Variants in ELAVL2 observed in about 807,000 individuals in gnomAD.
ELAVL2 encodes the protein ELAV-like protein 2.
Under a neutral mutation model 34.6 loss-of-function variants are expected in ELAVL2, and 4 were observed. The ratio of observed to expected loss-of-function variants is 0.12; its 90% CI spans 0.06 to 0.26. ELAVL2 has a LOEUF of 0.26. ELAVL2 is among the 10% of genes least tolerant of loss of function. The pLI, the probability that ELAVL2 is intolerant of heterozygous loss-of-function variation, is 1.00. For synonymous variants in ELAVL2, 193 were observed against 154.8 expected, an observed-to-expected ratio of 1.25 and a Z score of -1.83; for missense variants, 432 against 442.8, an observed-to-expected ratio of 0.98 and a Z score of 0.22.
In ELAVL2 at chr9:23,781,930, C is replaced by T. The variant is rs1011100020; in HGVS notation, c.-15-19681G>A. On this transcript the variant is annotated intron_variant, in intron 1 of 6. Coordinates refer to ENST00000397312, the MANE Select transcript of ELAVL2 (RefSeq NM_004432.5). ...CGATCTCCTGACCTCGTGAGCCGCCCGCCTCGGCCTCCCAAAGTGCTGGGA... is the reference window on the plus strand; with the variant it reads ...CGATCTCCTGACCTCGTGAGCCGCCTGCCTCGGCCTCCCAAAGTGCTGGGA... Among the ~76,000 whole-genome samples the T allele has an allele frequency of 3.9e-5, 6 of 151,986 alleles. No homozygotes were observed. In the East Asian group the frequency reaches 7.8e-4, roughly 20 times the overall value.
intron 4 of ELAVL2, among the ~76,000 whole-genome samples, chr9:23,702,975 A>AAAC (rs1563957619): frequency 1.4e-5 from 2 of 140,312 alleles, no homozygotes; most frequent in African/African-American, 2.7e-5. Flanking sequence ...AAAAAAAAAA[A>AAAC]AAAAAACAGC....
intron 1 of ELAVL2, among the ~76,000 whole-genome samples, chr9:23,771,891 G>A (rs775083141): frequency 6.6e-6 from 1 of 152,088 alleles, no homozygotes; most frequent in Admixed American, 6.5e-5. Context: ...GTTATAGGCT[G>A]GAATACACTA....
At chr9:23,706,937 A>G (rs2039518140) in intron 3 of ELAVL2, among the ~76,000 whole-genome samples, 2 of 152,298 alleles carry the variant, frequency 1.3e-5, no homozygotes, top group African/African-American at 4.8e-5. Context: ...TGGTGTTAAC[A>G]TTTAATACTC....
At chr9:23,805,233 G>T (rs556870729) in intron 1 of ELAVL2, among the ~76,000 whole-genome samples, 3 of 152,294 alleles carry the variant, frequency 2.0e-5, no homozygotes, top group Non-Finnish European at 2.9e-5. Flanking sequence ...CTCCGTAAAA[G>T]AAATATGGCT....
chr9:23,725,187 T>C (rs573099058), intron 3 of ELAVL2, among the ~76,000 whole-genome samples: 3 of 152,266 alleles, frequency 2.0e-5, no homozygotes, highest in African/African-American at 7.2e-5. Context: ...CCAACACTAC[T>C]CTGCTCAAAA....
chr9:23,752,201 C>T (rs1032905364), intron 2 of ELAVL2, among the ~76,000 whole-genome samples: 17 of 152,126 alleles, frequency 1.1e-4, no homozygotes, highest in Admixed American at 1.3e-4. Context: ...GTGCTAGGTA[C>T]TTTATGAAAG....
chr9:23,847,361 C>G, the ELAVL2 span: 6 of 152,006 alleles, frequency 3.9e-5, no homozygotes. Flanking sequence ...ACCGCCACTT[C>G]CTACATCTCA....
chr9:23,730,388 C>G (rs560374252), intron 3 of ELAVL2, among the ~76,000 whole-genome samples: 7 of 152,086 alleles, frequency 4.6e-5, no homozygotes, highest in African/African-American at 1.4e-4. Flanking sequence ...CTCCTCAAAG[C>G]AAGCTGAATT....
At chr9:23,743,334 C>T (rs1189620848) in intron 2 of ELAVL2, among the ~76,000 whole-genome samples, 1 of 152,164 alleles carries the variant, frequency 6.6e-6, no homozygotes, top group Non-Finnish European at 1.5e-5. Flanking sequence ...AGCATTTCTT[C>T]CCAAATCACC....
At chr9:23,790,713 G>C (rs1180016949) in intron 1 of ELAVL2, among the ~76,000 whole-genome samples, 1 of 152,172 alleles carries the variant, frequency 6.6e-6, no homozygotes, top group Non-Finnish European at 1.5e-5. Context: ...TCATCCCAGA[G>C]CTTTAATTTT....
intron 2 of ELAVL2, among the ~76,000 whole-genome samples, chr9:23,740,315 T>C (rs773764260): frequency 6.6e-6 from 1 of 152,206 alleles, no homozygotes; most frequent in Non-Finnish European, 1.5e-5. Context: ...TAAATACATC[T>C]GTATCCATTT....
chr9:23,701,357 A>C, intron 5 of ELAVL2, 22 bp downstream of exon 5: 1 of 1,612,602 alleles, frequency 6.2e-7, no homozygotes, highest in Non-Finnish European at 8.5e-7. Flanking sequence ...GTAGCTGGGC[A>C]CAAGAACCAA....
chr9:23,741,961 T>TAG (rs1271075220), intron 2 of ELAVL2, among the ~76,000 whole-genome samples: 1 of 152,162 alleles, frequency 6.6e-6, no homozygotes, highest in Non-Finnish European at 1.5e-5. Context: ...ACAGGCCTTC[T>TAG]AGAGTAATGG....
At chr9:23,770,281 TTA>T (rs1381750188) in intron 1 of ELAVL2, among the ~76,000 whole-genome samples, 1 of 152,082 alleles carries the variant, frequency 6.6e-6, no homozygotes, top group Non-Finnish European at 1.5e-5. Flanking sequence ...GTTTCCAGCA[TTA>T]AACAAGCAGG....
intron 3 of ELAVL2, among the ~76,000 whole-genome samples, chr9:23,725,242 C>T (rs1391229224): frequency 6.6e-6 from 1 of 152,176 alleles, no homozygotes; most frequent in East Asian, 1.9e-4. Flanking sequence ...ACATCAGCGC[C>T]TTCACATACA....
chr9:23,832,038 G>C, the ELAVL2 span: 1 of 152,208 alleles, frequency 6.6e-6, no homozygotes, highest in African/African-American at 2.4e-5. Flanking sequence ...TGGTATAAAA[G>C]GGAATTCCGT....
intron 1 of ELAVL2, among the ~76,000 whole-genome samples, chr9:23,763,025 A>G (rs565590268): frequency 3.9e-5 from 6 of 152,208 alleles, no homozygotes; most frequent in South Asian, 4.1e-4. Flanking sequence ...TAAAATCCCC[A>G]AACACTTCGA....
At chr9:23,750,471 T>C (rs2051666021) in intron 2 of ELAVL2, among the ~76,000 whole-genome samples, 1 of 152,086 alleles carries the variant, frequency 6.6e-6, no homozygotes, top group African/African-American at 2.4e-5. Context: ...GGTATAACAT[T>C]GTTAGATTTT....
the ELAVL2 span, among the ~76,000 whole-genome samples, chr9:23,832,565 G>A: frequency 1.4e-4 from 22 of 152,084 alleles, no homozygotes; most frequent in African/African-American, 5.3e-4. Context: ...CTTGTTCTTT[G>A]TGTCTTAAGT....
Sources: allele counts gnomAD v4.1 joint callset (sites outside exome capture counted in the v4.1 genomes callset), GRCh38; gene constraint gnomAD v4.1.1; transcripts MANE v1.5; gene names NCBI Gene and HGNC (gene_info 2026-07-23, HGNC 2026-07-21).